Variants in MIA2 observed in about 807,000 individuals in gnomAD.
MIA2 encodes melanoma inhibitory activity protein 2.
MIA2 carries 127 observed loss-of-function variants against 167.8 expected under a neutral mutation model. The observed-to-expected ratio is 0.76, with a 90% CI of 0.66 to 0.88. The LOEUF is 0.88. Among genes scored for constraint, MIA2 ranks in the 40% least tolerant of loss-of-function variants. MIA2 has a pLI of 0.00. For synonymous variants in MIA2, 552 were observed against 541.9 expected (o/e 1.02, Z -0.26); for missense variants, 1,690 against 1,624.7 (o/e 1.04, Z -0.69).
In MIA2 at chr14:39,294,177, A is replaced by G. The variant is rs527538609; in HGVS notation, c.2391+106A>G. On this transcript the variant is annotated intron_variant, in intron 12 of 28. Coordinates refer to ENST00000640607, the MANE Select transcript of MIA2 (RefSeq NM_001329214.4). ...AATAGTAGGATTTGAGATATAGGGG[A>G]TCCCAGATATGTATTTTTTTTTTTT... 1.3e-4 allele frequency: 90 copies of G among 719,526 alleles called. 2 individuals carry two copies. The South Asian group carries it at 1.5e-3, about 12-fold the overall frequency. 44.6% of individuals were successfully genotyped at this position (719,526 alleles called of 1,614,324 possible).
At chr14:39,298,083 A>G (rs1318978994) in intron 13 of MIA2, among the ~76,000 whole-genome samples, 2 of 151,346 alleles carry the variant, frequency 1.3e-5, no homozygotes, top group African/African-American at 4.9e-5. Context: ...CTGCCATTTT[A>G]ATAGATTTGA....
chr14:39,243,033 G>T (rs2054122109), intron 3 of MIA2, among the ~76,000 whole-genome samples: 1 of 150,522 alleles, frequency 6.6e-6, no homozygotes, highest in South Asian at 2.1e-4. Flanking sequence ...TGAGGCAGGA[G>T]AATTGCTTGA....
intron 25 of MIA2, among the ~76,000 whole-genome samples, chr14:39,327,583 T>C (rs937828016): frequency 3.9e-5 from 6 of 151,944 alleles, no homozygotes; most frequent in Admixed American, 2.0e-4. Flanking sequence ...CTGCATCATC[T>C]ACATTAGGTG....
rs1219162555 is a variant in MIA2, at chr14:39,276,980, A to G, written c.1934A>G (p.Tyr645Cys). Residue 645 changes from tyrosine (Y) to cysteine (C), a missense_variant, in exon 7 of 29, where the codon TAT (tyrosine) becomes TGT (cysteine). Tyr to Cys is a radical substitution (Grantham distance 194). Transcript: ENST00000640607. ...GGTATGAGACCAGATTCTAATCTTT[A>G]TGGTTTTCCATGGGAATTGGTGATA... ...PEGMRPDSNL[Y>C]GFPWELVICA... 2.5e-6 allele frequency: 4 copies of G among 1,613,902 alleles called. No homozygotes were observed. The South Asian group carries it at 3.3e-5, about 13-fold the overall frequency.
intron 3 of MIA2, among the ~76,000 whole-genome samples, chr14:39,242,833 C>T (rs982759703): frequency 1.1e-4 from 17 of 151,740 alleles, no homozygotes; most frequent in African/African-American, 4.1e-4. Flanking sequence ...AAAGAAAAAG[C>T]GGGACTTGGC....
At chr14:39,270,672 A>T (rs1731532956) in intron 6 of MIA2, among the ~76,000 whole-genome samples, 2 of 151,854 alleles carry the variant, frequency 1.3e-5, no homozygotes, top group Non-Finnish European at 2.9e-5. Flanking sequence ...GGTGTTACAG[A>T]TGTGAGCCAC....
At chr14:39,352,368 T>G (rs1442712826), downstream of MIA2, among the ~76,000 whole-genome samples, 2 of 152,116 alleles carry the variant, frequency 1.3e-5, no homozygotes, top group Non-Finnish European at 2.9e-5. Flanking sequence ...TTATTCTATT[T>G]TATTTATCTT....
intron 6 of MIA2, among the ~76,000 whole-genome samples, chr14:39,273,380 CCTCA>C (rs1169362771): frequency 6.6e-6 from 1 of 151,850 alleles, no homozygotes; most frequent in Non-Finnish European, 1.5e-5. Flanking sequence ...TGGGACAGGG[CCTCA>C]CTCTGTTGCC....
At chr14:39,256,207 T>A (rs1427319012) in intron 6 of MIA2, among the ~76,000 whole-genome samples, 6 of 152,212 alleles carry the variant, frequency 3.9e-5, no homozygotes, top group Non-Finnish European at 8.8e-5. Flanking sequence ...TGTCAACTGC[T>A]TGGTCTCTAC....
intron 23 of MIA2, among the ~76,000 whole-genome samples, chr14:39,365,436 T>C (rs1278327421): frequency 6.6e-6 from 1 of 152,236 alleles, no homozygotes; most frequent in Non-Finnish European, 1.5e-5. Flanking sequence ...TTGGTTACAC[T>C]ATGGTGCTCT....
chr14:39,296,983 G>T (rs2061514461), intron 13 of MIA2, among the ~76,000 whole-genome samples: 1 of 150,122 alleles, frequency 6.7e-6, no homozygotes, highest in African/African-American at 2.5e-5. Context: ...CACCATGTTG[G>T]CCAGGCTGGT....
At chr14:39,274,968 G>A (rs200686381) in intron 6 of MIA2, among the ~76,000 whole-genome samples, 1 of 150,184 alleles carries the variant, frequency 6.7e-6, no homozygotes, top group Non-Finnish European at 1.5e-5. Flanking sequence ...CCAGCTACTC[G>A]GGAGGCTGAG....
chr14:39,349,786 A>G (rs948827897), intron 28 of MIA2, among the ~76,000 whole-genome samples: 2 of 152,116 alleles, frequency 1.3e-5, no homozygotes, highest in African/African-American at 4.8e-5. Flanking sequence ...TTTTTTGAGG[A>G]CTTTGATAAT....
chr14:39,367,924 CAATT>C (rs58969357), intron 23 of MIA2, among the ~76,000 whole-genome samples: 3,077 of 151,932 alleles, frequency 0.02, 110 homozygotes, highest in African/African-American at 0.071. Flanking sequence ...TTCTAAGTAT[CAATT>C]AATATCAATA....
intron 6 of MIA2, among the ~76,000 whole-genome samples, chr14:39,269,916 G>A (rs184012730): frequency 1.3e-4 from 20 of 152,146 alleles, no homozygotes; most frequent in Admixed American, 1.2e-3. Context: ...ATACTTTTTG[G>A]CTATTATGAA....
intron 6 of MIA2, among the ~76,000 whole-genome samples, chr14:39,260,851 T>G (rs924767751): frequency 5.3e-5 from 8 of 152,234 alleles, no homozygotes; most frequent in Non-Finnish European, 1.2e-4. Flanking sequence ...GTCTATCATT[T>G]AAATCTTTAA....
At chr14:39,302,801 A>C (rs997819789) in intron 15 of MIA2, among the ~76,000 whole-genome samples, 6 of 152,092 alleles carry the variant, frequency 3.9e-5, no homozygotes, top group Non-Finnish European at 8.8e-5. Context: ...ACCTAAAAAA[A>C]ACCTTTTTAT....
At position 39,247,142 on chromosome 14, in the gene MIA2, A is replaced by G; in HGVS notation, c.568A>G (p.Thr190Ala). The G allele has an allele frequency of 6.2e-7, 1 of 1,614,100 alleles. No homozygotes were observed. Among genetic ancestry groups the G allele is most frequent in the Non-Finnish European group, 8.5e-7 (1 of 1,180,014 alleles). ...AGAGGCTCCTGAAGATATCGGAAGTACCAGTGAATCAAAAGACTGGGAAGA... is the reference window on the plus strand; with the variant it reads ...AGAGGCTCCTGAAGATATCGGAAGTGCCAGTGAATCAAAAGACTGGGAAGA... ...ALEAPEDIGS[T>A]SESKDWEEVV... The change falls in exon 4 of 29, where the codon ACC (threonine) becomes GCC (alanine). Residue 190 changes from threonine (T) to alanine (A), a missense_variant. By Grantham distance (58) the Thr-to-Ala change is moderately conservative (BLOSUM62 0). Coordinates refer to ENST00000640607, the MANE Select transcript of MIA2 (RefSeq NM_001329214.4).
intron 23 of MIA2, among the ~76,000 whole-genome samples, chr14:39,362,913 C>T (rs2074720247): frequency 6.6e-6 from 1 of 152,048 alleles, no homozygotes; most frequent in South Asian, 2.1e-4. Flanking sequence ...TCTTTATTTC[C>T]TTCTTAATTT....
Sources: allele counts gnomAD v4.1 joint callset (sites outside exome capture counted in the v4.1 genomes callset), GRCh38; gene constraint gnomAD v4.1.1; transcripts MANE v1.5; gene names NCBI Gene and HGNC (gene_info 2026-07-23, HGNC 2026-07-21).